Variants in MLLT3 observed in about 807,000 individuals in gnomAD.
MLLT3 encodes the protein MLLT3 super elongation complex subunit.
In MLLT3, 4 loss-of-function variants were observed where a neutral mutation model predicts 53.2. The observed-to-expected ratio is 0.08, with a 90% confidence interval of 0.04 to 0.17. The LOEUF is 0.17. MLLT3 is among the 10% of genes least tolerant of loss of function. The pLI is 1.00. For synonymous variants in MLLT3, 283 were observed against 230.6 expected, an observed-to-expected ratio of 1.23 and a Z score of -2.06; for missense variants, 569 against 684.0, an observed-to-expected ratio of 0.83 and a Z score of 1.87.
chr9:20,383,063 T>G (rs1441451658), intron 5 of MLLT3, among the ~76,000 whole-genome samples: 2 of 151,848 alleles, frequency 1.3e-5, no homozygotes, highest in African/African-American at 4.8e-5. Flanking sequence ...CTACTCATAA[T>G]TTGAGCTTCA....
chr9:20,387,641 T>A (rs775891307), intron 5 of MLLT3, among the ~76,000 whole-genome samples: 5 of 152,188 alleles, frequency 3.3e-5, no homozygotes, highest in African/African-American at 9.7e-5. Flanking sequence ...TGATATATTA[T>A]CCTGAAGAGT....
chr9:20,372,032 A>C (rs1053024662), intron 5 of MLLT3, among the ~76,000 whole-genome samples: 5 of 152,206 alleles, frequency 3.3e-5, no homozygotes, highest in Non-Finnish European at 5.9e-5. Context: ...TAGTGGAGGA[A>C]GTCACTGCAG....
rs1406379151 is a variant in MLLT3, at chr9:20,616,213, AAG to A, written c.193+4439_193+4440del. Among the ~76,000 whole-genome samples the A allele has an allele frequency of 4.6e-5, 7 of 152,288 alleles. No homozygotes were observed. In the South Asian group the frequency reaches 6.2e-4, roughly 14 times the overall value. ...ATCATTTCCATAATGCAAATGAGAA[AAG>A]AGACACAGAAGTAACTTGTCCAAAA... On this transcript the variant is annotated intron_variant, in intron 2 of 10. Transcript: ENST00000380338.
intron 2 of MLLT3, chr9:20,532,918 C>G: frequency 3.9e-6 from 1 of 254,112 alleles, no homozygotes. Flanking sequence ...GAGAAGAAAG[C>G]TCCCAGCAAA....
In MLLT3 at chr9:20,341,836, A is replaced by AG. The variant is rs1205112797; in HGVS notation, c.*4606dup. 2 of 205,196 alleles carry AG rather than the reference A, an allele frequency of 9.7e-6. No homozygotes were observed. The highest frequency in any genetic ancestry group is 1.9e-4 in the South Asian group (1 of 5,270). 12.7% of individuals were successfully genotyped at this position (205,196 alleles called of 1,614,324 possible). A position where few individuals can be genotyped will look rare whatever the true frequency, so the allele number is the denominator to read the frequency against. On this transcript the variant is annotated 3_prime_UTR_variant, in exon 11 of 11. Transcript: ENST00000380338. ...TCTGAACAAAACCCTCCAAAGAAAT[A>AG]GGGGGGAAAGAAAAAATACCGGGCA...
intron 5 of MLLT3, among the ~76,000 whole-genome samples, chr9:20,409,333 A>T (rs909162164): frequency 2.0e-5 from 3 of 152,184 alleles, no homozygotes; most frequent in African/African-American, 7.2e-5. Context: ...GACAAGATCA[A>T]CTCTATACAC....
At chr9:20,392,948 GAGTT>G (rs1822224259) in intron 5 of MLLT3, among the ~76,000 whole-genome samples, 1 of 152,122 alleles carries the variant, frequency 6.6e-6, no homozygotes, top group African/African-American at 2.4e-5. Flanking sequence ...CTGAGGTCAG[GAGTT>G]TGAGACCAGC....
Position 20,373,852 on chromosome 9 carries a change from T to C in MLLT3, c.1126-8108A>G, listed in dbSNP as rs1161472964. Among the ~76,000 whole-genome samples the C allele has an allele frequency of 3.3e-5, 5 of 152,148 alleles. No homozygotes were observed. The South Asian group carries it at 8.3e-4, about 25-fold the overall frequency. Reference sequence around the variant, plus strand: ...TACTAATGAAAGAAGAAAACACAAATATAGGACACTTTATTTACTTCTCTG... The same window carrying C: ...TACTAATGAAAGAAGAAAACACAAACATAGGACACTTTATTTACTTCTCTG... On this transcript the variant is annotated intron_variant, in intron 5 of 10. Coordinates refer to ENST00000380338, the MANE Select transcript of MLLT3 (RefSeq NM_004529.4).
At chr9:20,434,748 T>A (rs965923301) in intron 4 of MLLT3, among the ~76,000 whole-genome samples, 1 of 152,152 alleles carries the variant, frequency 6.6e-6, no homozygotes, top group African/African-American at 2.4e-5. Flanking sequence ...TGTTCTTCTA[T>A]CTATATCACA....
In MLLT3 at chr9:20,365,294, T is replaced by G. The variant is rs1284132279; in HGVS notation, c.1201+375A>C. The stretch of plus-strand genomic sequence containing the variant: ...AGTTATGATTCGAATAATAAAACAG[T>G]ATAAGGTGATAAATCAAGACATTAA... On this transcript the variant is annotated intron_variant, in intron 6 of 10. Coordinates refer to ENST00000380338, the MANE Select transcript of MLLT3 (RefSeq NM_004529.4). Among the ~76,000 whole-genome samples the G allele has an allele frequency of 2.0e-5, 3 of 152,068 alleles. No individual in the cohort carries two copies. In the East Asian group the frequency reaches 5.8e-4, roughly 29 times the overall value.
At chr9:20,382,898 A>G (rs1033809019) in intron 5 of MLLT3, among the ~76,000 whole-genome samples, 1 of 141,942 alleles carries the variant, frequency 7.0e-6, no homozygotes, top group African/African-American at 3.1e-5. Context: ...TCTTATGGGT[A>G]TTTTTAAACT....
intron 2 of MLLT3, chr9:20,532,533 T>C (rs1818370677): frequency 4.6e-6 from 1 of 215,068 alleles, no homozygotes; most frequent in African/African-American, 2.3e-5. Flanking sequence ...CATCTTGCTC[T>C]CTCCTTCCGC....
chr9:20,475,232 T>A (rs1462287920), intron 2 of MLLT3, among the ~76,000 whole-genome samples: 1 of 152,128 alleles, frequency 6.6e-6, no homozygotes, highest in Non-Finnish European at 1.5e-5. Context: ...TGTCAGCCAC[T>A]TGACTGTTAA....
chr9:20,608,638 C>G (rs1250727350), intron 2 of MLLT3, among the ~76,000 whole-genome samples: 5 of 151,404 alleles, frequency 3.3e-5, no homozygotes, highest in Admixed American at 6.6e-5. Context: ...GGAAAAGACT[C>G]AAAACGACAA....
intron 10 of MLLT3, among the ~76,000 whole-genome samples, chr9:20,351,172 G>C (rs928139173): frequency 6.6e-6 from 1 of 152,200 alleles, no homozygotes; most frequent in East Asian, 1.9e-4. Flanking sequence ...ATTTCTCAGG[G>C]AGGGTTCTCT....
At chr9:20,353,480 G>T in intron 10 of MLLT3, 45 bp downstream of exon 10, 1 of 1,550,910 alleles carries the variant, frequency 6.4e-7, no homozygotes, top group Non-Finnish European at 8.9e-7. Flanking sequence ...GACAAACCAA[G>T]TCTTGAAGTT....
At chr9:20,584,450 A>G (rs1819893095) in intron 2 of MLLT3, among the ~76,000 whole-genome samples, 1 of 152,188 alleles carries the variant, frequency 6.6e-6, no homozygotes, top group African/African-American at 2.4e-5. Context: ...TTACTGTATT[A>G]GTCCATTTTC....
intron 2 of MLLT3, among the ~76,000 whole-genome samples, chr9:20,567,301 C>T (rs540577691): frequency 2.5e-5 from 2 of 79,646 alleles, no homozygotes; most frequent in African/African-American, 1.0e-4. Context: ...GTACTATATT[C>T]AGTAAAAAAA....
intron 2 of MLLT3, among the ~76,000 whole-genome samples, chr9:20,609,846 A>C (rs1271300228): frequency 1.3e-5 from 2 of 152,150 alleles, no homozygotes; most frequent in Non-Finnish European, 2.9e-5. Context: ...ATAAAATTCC[A>C]ATACACTGAT....
Sources: allele counts gnomAD v4.1 joint callset (sites outside exome capture counted in the v4.1 genomes callset), GRCh38; gene constraint gnomAD v4.1.1; transcripts MANE v1.5; gene names NCBI Gene and HGNC (gene_info 2026-07-23, HGNC 2026-07-21).